The following COQ8B variants were observed in gnomAD, a reference collection of about 807,000 sequenced individuals.
COQ8B encodes coenzyme Q8B.
A neutral mutation model predicts 62.0 loss-of-function variants in COQ8B; 44 were observed. The ratio of observed to expected loss-of-function variants is 0.71; its 90% CI spans 0.56 to 0.91. The LOEUF (loss-of-function observed/expected upper bound fraction) is 0.91, where lower values mean the gene tolerates loss of function less well. Among genes scored for constraint, COQ8B ranks in the 40% least tolerant of loss-of-function variants. The probability of loss-of-function intolerance (pLI) is 0.00; values close to 1 mark genes in which losing one functional copy is unlikely to be tolerated. For synonymous variants in COQ8B, 252 were observed against 289.9 expected, an observed-to-expected ratio of 0.87 and a Z score of 1.33; for missense variants, 649 against 731.6, an observed-to-expected ratio of 0.89 and a Z score of 1.30.
At position 40,700,088 on chromosome 19, in the gene COQ8B, C is replaced by G. The variant is rs1039763398; in HGVS notation, c.1122G>C (p.Leu374=). The G allele has an allele frequency of 4.3e-6, 7 of 1,614,132 alleles. No homozygotes were observed. The highest frequency in any genetic ancestry group is 5.9e-6 in the Non-Finnish European group (7 of 1,180,060). The change falls in exon 12 of 15, where the codon CTG becomes CTC. Residue 374 remains leucine, a synonymous_variant. Transcript: ENST00000324464. Reference sequence around the variant, plus strand: ...CAACCTGGTGGCTGGAGGCATCATACAGGAAGTTGGCCCAGTTGGGGTCAG... The same window carrying G: ...CAACCTGGTGGCTGGAGGCATCATAGAGGAAGTTGGCCCAGTTGGGGTCAG... ...MQTDPNWANF[L]YDASSHQVTL... is the part of the protein sequence containing the mutation.
intron 1 of COQ8B, chr19:40,715,662 G>C: frequency 1.0e-6 from 1 of 966,700 alleles, no homozygotes; most frequent in Middle Eastern, 5.3e-4. Flanking sequence ...TGCACACTGA[G>C]TCTCTGTTCC....
In COQ8B at chr19:40,691,921, G is replaced by A; in HGVS notation, c.*114C>T. 9.5e-7 allele frequency: 1 copy of A among 1,048,316 alleles called. No individual in the cohort carries two copies. The highest frequency in any genetic ancestry group is 3.5e-5 in the Admixed American group (1 of 28,668). The allele number at this position is 1,048,316 out of a possible 1,614,324, so 64.9% of individuals were successfully genotyped here. A position where few individuals can be genotyped will look rare whatever the true frequency, so the allele number is the denominator to read the frequency against. The stretch of plus-strand genomic sequence containing the variant: ...CTCCTGGGCCAAGGAGGAGAGCCAG[G>A]CAAGACTGGGAAGCCCAAGGGGGCT... On this transcript the variant is annotated 3_prime_UTR_variant, in exon 15 of 15. Transcript: ENST00000324464.
intron 7 of COQ8B, chr19:40,704,059 A>C: frequency 1.6e-6 from 1 of 609,606 alleles, no homozygotes; most frequent in Non-Finnish European, 2.8e-6. Context: ...GCAGACTGTG[A>C]GGCTCAGCCT....
At chr19:40,693,470 C>T (rs192114757) in intron 13 of COQ8B, among the ~76,000 whole-genome samples, 17 of 152,298 alleles carry the variant, frequency 1.1e-4, no homozygotes, top group Non-Finnish European at 1.9e-4. Context: ...TTTAGTCGCA[C>T]GGGGCACAGG....
At chr19:40,706,605 A>G (rs2082102781) in intron 5 of COQ8B, among the ~76,000 whole-genome samples, 1 of 152,166 alleles carries the variant, frequency 6.6e-6, no homozygotes, top group South Asian at 2.1e-4. Context: ...GACTACAGGT[A>G]TGCACCACCA....
chr19:40,703,891 A>G, intron 7 of COQ8B, 36 bp from the exon 8 acceptor site: 1 of 1,581,418 alleles, frequency 6.3e-7, no homozygotes, highest in East Asian at 2.3e-5. Flanking sequence ...TCATTGTGGC[A>G]GAGTTCATTC....
At chr19:40,702,756 T>G in intron 9 of COQ8B, 63 bp from the exon 10 acceptor site, 16 of 1,475,738 alleles carry the variant, frequency 1.1e-5, no homozygotes, top group Non-Finnish European at 1.5e-5. Flanking sequence ...TGCCTTCTCC[T>G]GCCAACCCTC....
At chr19:40,713,689 C>T (rs1042541760) in intron 4 of COQ8B, among the ~76,000 whole-genome samples, 1 of 146,320 alleles carries the variant, frequency 6.8e-6, no homozygotes, top group Non-Finnish European at 1.5e-5. Context: ...GCACTCCAGC[C>T]TGGGCAACAG....
At chr19:40,697,847 TATATAG>T (rs1314211914) in intron 12 of COQ8B, among the ~76,000 whole-genome samples, 11 of 56,892 alleles carry the variant, frequency 1.9e-4, no homozygotes, top group Non-Finnish European at 3.0e-4. Context: ...TATATATATA[TATATAG>T]AGAGAGAGAG....
intron 5 of COQ8B, among the ~76,000 whole-genome samples, chr19:40,706,350 C>T (rs983624832): frequency 1.3e-5 from 2 of 152,226 alleles, no homozygotes; most frequent in Non-Finnish European, 2.9e-5. Flanking sequence ...TGCTCTCATG[C>T]GTCTAAGAAC....
Position 40,714,363 on chromosome 19 carries a change from T to C in COQ8B, c.137A>G (p.Tyr46Cys). Residue 46 changes from tyrosine to cysteine, a missense_variant, in exon 3 of 15, where the codon TAC becomes TGC. Physicochemically the swap from Tyr to Cys is radical, Grantham distance 194. Transcript: ENST00000324464. Reference sequence around the variant, plus strand: ...CAGGCCTCTCCCAGGCCCATCCTGGTAAAACTTTTGGGCCCAAGAACCTCC... The same window carrying C: ...CAGGCCTCTCCCAGGCCCATCCTGGCAAAACTTTTGGGCCCAAGAACCTCC... The part of the protein sequence containing the change: ...PCGGSWAQKF[Y>C]QDGPGRGLGE... 1 of 1,614,084 alleles carries C rather than the reference T, an allele frequency of 6.2e-7. No individual in the cohort carries two copies. Among genetic ancestry groups the C allele is most frequent in the Non-Finnish European group, 8.5e-7 (1 of 1,180,004 alleles).
Position 40,714,052 on chromosome 19 carries a change from C to T in COQ8B, c.289+15G>A, listed in dbSNP as rs767944846. The stretch of plus-strand genomic sequence containing the variant: ...TAATTGAGGTCACACCAAGATCCCC[C>T]AAAGTCACACCTACCCCCAAAGTTG... On this transcript the variant is annotated intron_variant, in intron 4 of 14. Transcript: ENST00000324464. The T allele has an allele frequency of 6.2e-7, 1 of 1,614,064 alleles. No individual in the cohort carries two copies. Among genetic ancestry groups the T allele is most frequent in the South Asian group, 1.1e-5 (1 of 91,072 alleles).
rs755774439 is a variant in COQ8B at position 40,705,200 on chromosome 19, CA to C, written c.491-20del. The C allele has an allele frequency of 3.1e-6, 5 of 1,612,296 alleles. No homozygotes were observed. The highest frequency in any genetic ancestry group is 4.2e-6 in the Non-Finnish European group (5 of 1,179,022). Reference sequence around the variant, plus strand: ...CTGTTGTCTTGGGAGACAGTGGAACCAGGGGGGAAGTAAGCGAAGAGGTGAG... The same window carrying C: ...CTGTTGTCTTGGGAGACAGTGGAACCGGGGGGAAGTAAGCGAAGAGGTGAG... On this transcript the variant is annotated intron_variant, in intron 6 of 14. Coordinates refer to ENST00000324464, the MANE Select transcript of COQ8B (RefSeq NM_024876.4).
In COQ8B at chr19:40,705,134, G is replaced by A. The variant is rs866812916; in HGVS notation, c.538C>T (p.Arg180Cys). 10 of 1,612,782 alleles carry A rather than the reference G, an allele frequency of 6.2e-6. No homozygotes were observed. Among genetic ancestry groups the A allele is most frequent in the East Asian group, 2.2e-5 (1 of 44,822 alleles). Reference sequence around the variant, plus strand: ...CGGGGCATGAAGTCGGCGCTCTGGCGGACCCGCTCAAAGATGTGCTGCAGC... The same window carrying A: ...CGGGGCATGAAGTCGGCGCTCTGGCAGACCCGCTCAAAGATGTGCTGCAGC... The part of the protein sequence containing the change: ...PQLQHIFERV[R>C]QSADFMPRWQ... Residue 180 changes from arginine (R) to cysteine (C), a missense_variant, in exon 7 of 15, where the codon CGC becomes TGC. By Grantham distance (180) the Arg-to-Cys change is radical. Coordinates refer to ENST00000324464, the MANE Select transcript of COQ8B (RefSeq NM_024876.4).
chr19:40,693,995 C>T (rs2144680797), intron 13 of COQ8B, among the ~76,000 whole-genome samples: 1 of 152,306 alleles, frequency 6.6e-6, no homozygotes, highest in South Asian at 2.1e-4. Context: ...CTGTGGTCCT[C>T]AGAAGCCAGG....
rs992644489 is a variant in COQ8B at position 40,714,614 on chromosome 19, C to A, written c.19G>T (p.Gly7Cys). The A allele has an allele frequency of 1.2e-6, 2 of 1,609,556 alleles. No individual in the cohort carries two copies. The highest frequency in any genetic ancestry group is 1.7e-6 in the Non-Finnish European group (2 of 1,177,986). The change falls in exon 2 of 15, where the codon GGC (glycine) becomes TGC (cysteine). Residue 7 changes from glycine to cysteine, a missense_variant. Coordinates refer to ENST00000324464, the MANE Select transcript of COQ8B (RefSeq NM_024876.4). Reference sequence around the variant, plus strand: ...TGTCCACCGGTCCCCCGAAGTAGGCCCCCCACCTTCAGCCACATTGCCTGG... The same window carrying A: ...TGTCCACCGGTCCCCCGAAGTAGGCACCCCACCTTCAGCCACATTGCCTGG... The part of the protein sequence containing the change: MWLKVG[G>C]LLRGTGGQLG...
chr19:40,710,241 C>G, intron 4 of COQ8B, 105 bp from the exon 5 acceptor site: 1 of 1,079,360 alleles, frequency 9.3e-7, no homozygotes, highest in Non-Finnish European at 1.4e-6. Flanking sequence ...TCTCCCAACT[C>G]TTTTTATTTT....
chr19:40,693,060 G>C, intron 13 of COQ8B, 23 bp from the exon 14 acceptor site: 2 of 1,607,928 alleles, frequency 1.2e-6, no homozygotes, highest in Non-Finnish European at 1.7e-6. Context: ...GTGGGAGTTA[G>C]AGGGACAAAG....
In COQ8B at chr19:40,714,316, C is replaced by T. The variant is rs759235679; in HGVS notation, c.184G>A (p.Ala62Thr). The T allele has an allele frequency of 6.2e-7, 1 of 1,614,020 alleles. No individual in the cohort carries two copies. The highest frequency in any genetic ancestry group is 8.5e-7 in the Non-Finnish European group (1 of 1,179,996). ...RGLGEEDIRR[A>T]REARPRKTPR... ...GTCTTCCTGGGACGGGCCTCCCGTG[C>T]CCTGCGAATGTCCTCCTCACCCAGG... Residue 62 changes from alanine to threonine, a missense_variant, in exon 3 of 15, where the codon GCA (alanine) becomes ACA (threonine). Physicochemically the swap from Ala to Thr is moderately conservative, Grantham distance 58. Coordinates refer to ENST00000324464, the MANE Select transcript of COQ8B (RefSeq NM_024876.4).
Sources: gnomAD v4.1 joint callset for allele counts (sites outside exome capture counted in the v4.1 genomes callset) on GRCh38, gnomAD v4.1.1 for gene constraint, MANE v1.5 for transcripts, NCBI Gene and HGNC (gene_info 2026-07-23, HGNC 2026-07-21) for gene names.